SLC14A2: variants seen among roughly 807,000 people sequenced by gnomAD.
SLC14A2 encodes solute carrier family 14 member 2.
In SLC14A2, 91 loss-of-function variants were observed where a neutral mutation model predicts 104.6. That is an observed-to-expected ratio of 0.87 (90% CI 0.73 to 1.04). SLC14A2 has a LOEUF of 1.04. Among genes scored for constraint, SLC14A2 ranks in the 50% least tolerant of loss-of-function variants. The pLI is 0.00. For synonymous variants in SLC14A2, 476 were observed against 466.4 expected (o/e 1.02, Z -0.27); for missense variants, 1,189 against 1,156.0 (o/e 1.03, Z -0.41).
the SLC14A2 span, among the ~76,000 whole-genome samples, chr18:45,182,728 G>T: frequency 1.3e-5 from 2 of 152,038 alleles, no homozygotes; most frequent in Non-Finnish European, 2.9e-5. Context: ...AGTATAAAAT[G>T]TGCTATAGTT....
chr18:45,237,021 G>T (rs756906064), intron 1 of SLC14A2, among the ~76,000 whole-genome samples: 8 of 152,136 alleles, frequency 5.3e-5, no homozygotes, highest in Non-Finnish European at 7.4e-5. Flanking sequence ...ACTGACAACT[G>T]TAACTCGGAG....
intron 1 of SLC14A2, among the ~76,000 whole-genome samples, chr18:45,299,492 T>G (rs1414510155): frequency 4.6e-5 from 7 of 152,160 alleles, no homozygotes; most frequent in Admixed American, 4.6e-4. Context: ...GATGGAGTCT[T>G]TCTTTGTCAC....
intron 1 of SLC14A2, among the ~76,000 whole-genome samples, chr18:45,365,546 T>C (rs2085657926): frequency 6.6e-6 from 1 of 152,204 alleles, no homozygotes; most frequent in Non-Finnish European, 1.5e-5. Context: ...CCATTCAGAC[T>C]CTGTGACTTC....
At chr18:45,599,824 C>T (rs953517859) in intron 2 of SLC14A2, among the ~76,000 whole-genome samples, 2 of 152,206 alleles carry the variant, frequency 1.3e-5, no homozygotes, top group Non-Finnish European at 2.9e-5. Flanking sequence ...AGGAGCAAGA[C>T]ACATCTTACA....
intron 10 of SLC14A2, among the ~76,000 whole-genome samples, chr18:45,656,448 G>A (rs139660480): frequency 3.4e-4 from 52 of 152,320 alleles, no homozygotes; most frequent in Non-Finnish European, 6.5e-4. Flanking sequence ...AATATTCTTG[G>A]CAATAGGGAG....
At chr18:45,204,856 G>A in the SLC14A2 span, among the ~76,000 whole-genome samples, 360 of 151,264 alleles carry the variant, frequency 2.4e-3, 1 homozygote, top group Admixed American at 5.1e-3. Context: ...TTACCTCATT[G>A]CTTGCCAGAA....
At chr18:45,416,272 A>G (rs1297090714) in intron 1 of SLC14A2, among the ~76,000 whole-genome samples, 3 of 130,220 alleles carry the variant, frequency 2.3e-5, no homozygotes, top group African/African-American at 6.1e-5. Context: ...TTTTTTGCAT[A>G]CACAGCAAGG....
intron 2 of SLC14A2, among the ~76,000 whole-genome samples, chr18:45,560,164 T>G (rs575886250): frequency 1.3e-5 from 2 of 152,350 alleles, no homozygotes; most frequent in South Asian, 4.1e-4. Context: ...GGCAATAGCA[T>G]ATATTTGGAT....
At chr18:45,330,971 C>T (rs899542899) in intron 1 of SLC14A2, among the ~76,000 whole-genome samples, 1 of 152,074 alleles carries the variant, frequency 6.6e-6, no homozygotes, top group Non-Finnish European at 1.5e-5. Flanking sequence ...TCAAAAAATA[C>T]GTGATTGAAA....
At chr18:45,366,922 T>G (rs1056102967) in intron 1 of SLC14A2, among the ~76,000 whole-genome samples, 6 of 152,168 alleles carry the variant, frequency 3.9e-5, no homozygotes, top group Non-Finnish European at 8.8e-5. Context: ...GAGAGTAGTT[T>G]AAGGGCAGGG....
chr18:45,478,683 T>C (rs1259078750), intron 1 of SLC14A2, among the ~76,000 whole-genome samples: 1 of 152,128 alleles, frequency 6.6e-6, no homozygotes, highest in African/African-American at 2.4e-5. Flanking sequence ...TGTCATCCAG[T>C]AGCATCTCTC....
intron 1 of SLC14A2, among the ~76,000 whole-genome samples, chr18:45,244,131 G>A (rs567321554): frequency 3.9e-5 from 6 of 152,208 alleles, no homozygotes; most frequent in Admixed American, 2.0e-4. Context: ...GCAAGTCTCC[G>A]AGCCCCCTGG....
At position 45,413,982 on chromosome 18, in the gene SLC14A2, A is replaced by G. The variant is rs1349678717; in HGVS notation, c.-124-69251A>G. ...AAAAAAGAAAATCACGTGGAGGTCT[A>G]TATTTGAAGAATGAGACCTGTGCCT... On this transcript the variant is annotated intron_variant, in intron 1 of 20. Coordinates refer to the SLC14A2 transcript ENST00000586448. Among the ~76,000 whole-genome samples the G allele has an allele frequency of 2.0e-5, 3 of 152,234 alleles. 1 individual carries two copies. Among genetic ancestry groups the G allele is most frequent in the South Asian group, 4.1e-4 (2 of 4,832 alleles).
chr18:45,373,934 T>C (rs1416147595), intron 1 of SLC14A2, among the ~76,000 whole-genome samples: 1 of 152,250 alleles, frequency 6.6e-6, no homozygotes, highest in Admixed American at 6.5e-5. Flanking sequence ...ATTCATTGCA[T>C]GGCTCAACCC....
At chr18:45,269,371 C>G (rs980998118) in intron 1 of SLC14A2, among the ~76,000 whole-genome samples, 2 of 151,992 alleles carry the variant, frequency 1.3e-5, no homozygotes, top group South Asian at 4.2e-4. Flanking sequence ...TCAAATCCTT[C>G]CATTTAGGGC....
intron 1 of SLC14A2, among the ~76,000 whole-genome samples, chr18:45,274,930 C>T (rs2084687280): frequency 6.6e-6 from 1 of 152,184 alleles, no homozygotes; most frequent in African/African-American, 2.4e-5. Flanking sequence ...TTGATAGATG[C>T]ATTTGAAGGT....
At chr18:45,657,298 C>G (rs1442850329) in intron 10 of SLC14A2, among the ~76,000 whole-genome samples, 1 of 151,626 alleles carries the variant, frequency 6.6e-6, no homozygotes, top group Non-Finnish European at 1.5e-5. Context: ...ACCGTGAAAC[C>G]CCATCTCTAC....
chr18:45,410,620 T>C (rs916770596), intron 1 of SLC14A2, among the ~76,000 whole-genome samples: 3 of 152,090 alleles, frequency 2.0e-5, no homozygotes, highest in Non-Finnish European at 4.4e-5. Context: ...TTCTCTATAT[T>C]ATATATACAG....
chr18:45,252,581 A>T (rs1197727868), intron 1 of SLC14A2, among the ~76,000 whole-genome samples: 1 of 152,238 alleles, frequency 6.6e-6, no homozygotes, highest in East Asian at 1.9e-4. Flanking sequence ...CTCTTCACTT[A>T]AACATCTTGC....
Sources: allele counts gnomAD v4.1 joint callset (sites outside exome capture counted in the v4.1 genomes callset), GRCh38; gene constraint gnomAD v4.1.1; transcripts MANE v1.5; gene names NCBI Gene and HGNC (gene_info 2026-07-23, HGNC 2026-07-21).